SETD5: variants seen among roughly 807,000 people sequenced by gnomAD.
The protein encoded by SETD5 is histone-lysine N-methyltransferase SETD5.
A neutral mutation model predicts 153.3 loss-of-function variants in SETD5; 44 were observed. The ratio of observed to expected loss-of-function variants is 0.29; its 90% CI spans 0.23 to 0.37. The LOEUF is 0.37. Among genes scored for constraint, SETD5 ranks in the 10% least tolerant of loss-of-function variants. The pLI is 1.00. For synonymous variants in SETD5, 716 were observed against 645.2 expected, an observed-to-expected ratio of 1.11 and a Z score of -1.66; for missense variants, 1,544 against 1,768.0, an observed-to-expected ratio of 0.87 and a Z score of 2.27.
chr3:9,455,831 C>G (rs1242078779), intron 17 of SETD5, among the ~76,000 whole-genome samples: 1 of 151,904 alleles, frequency 6.6e-6, no homozygotes, highest in African/African-American at 2.4e-5. Context: ...TATCACATGC[C>G]CTGGTTGGAA....
chr3:9,428,049 A>G (rs1158110927), intron 2 of SETD5, among the ~76,000 whole-genome samples: 2 of 152,104 alleles, frequency 1.3e-5, no homozygotes, highest in Non-Finnish European at 2.9e-5. Flanking sequence ...TGTTGTTTTT[A>G]AAAAGTAGTC....
At position 9,428,888 on chromosome 3, in the gene SETD5, G is replaced by A. The variant is rs2039631571; in HGVS notation, c.-51G>A. The A allele has an allele frequency of 7.0e-7, 1 of 1,420,332 alleles. No homozygotes were observed. The highest frequency in any genetic ancestry group is 9.9e-7 in the Non-Finnish European group (1 of 1,013,128). 88.0% of individuals were successfully genotyped at this position (1,420,332 alleles called of 1,614,324 possible). A position where few individuals can be genotyped will look rare whatever the true frequency, so the allele number is the denominator to read the frequency against. The stretch of plus-strand genomic sequence containing the variant: ...CTCACCCCCACTCTCAGAGTGGTCA[G>A]TCTCCATTAATTGGACCCCGTGATT... On this transcript the variant is annotated 5_prime_UTR_variant, in exon 3 of 23. Transcript: ENST00000402198.
intron 19 of SETD5, among the ~76,000 whole-genome samples, chr3:9,473,026 C>G (rs2045491988): frequency 6.6e-6 from 1 of 152,112 alleles, no homozygotes; most frequent in African/African-American, 2.4e-5. Flanking sequence ...TTCCTCTTAC[C>G]AATTTCCAGC....
chr3:9,457,782 A>G (rs2043442123), intron 17 of SETD5, among the ~76,000 whole-genome samples: 1 of 149,600 alleles, frequency 6.7e-6, no homozygotes, highest in Non-Finnish European at 1.5e-5. Flanking sequence ...GCCTTTGATA[A>G]ATTTCATGTT....
intron 17 of SETD5, 76 bp from the exon 18 acceptor site, chr3:9,464,349 C>T: frequency 1.3e-6 from 2 of 1,537,176 alleles, no homozygotes; most frequent in Non-Finnish European, 8.8e-7. Flanking sequence ...TTGTAGATTA[C>T]AGATTAATGG....
intron 3 of SETD5, chr3:9,430,211 G>T (rs1159456282): frequency 1.0e-6 from 1 of 984,666 alleles, no homozygotes; most frequent in Non-Finnish European, 1.2e-6. Context: ...TATTATTAAA[G>T]AGCATGTATA....
At chr3:9,436,402 CG>C (rs1478500300) in intron 7 of SETD5, among the ~76,000 whole-genome samples, 2 of 152,200 alleles carry the variant, frequency 1.3e-5, no homozygotes, top group Non-Finnish European at 2.9e-5. Flanking sequence ...AAAATGTCTA[CG>C]GGAGAAACTT....
intron 1 of SETD5, among the ~76,000 whole-genome samples, chr3:9,418,569 G>A (rs2037894401): frequency 6.6e-6 from 1 of 152,006 alleles, no homozygotes; most frequent in Non-Finnish European, 1.5e-5. Flanking sequence ...CACATAGGCT[G>A]AAGCAGGCAG....
chr3:9,472,835 T>C (rs1039237474), intron 19 of SETD5, among the ~76,000 whole-genome samples: 2 of 152,146 alleles, frequency 1.3e-5, no homozygotes, highest in Non-Finnish European at 2.9e-5. Flanking sequence ...TGGGAGGCTT[T>C]TTAAACTATA....
At chr3:9,462,369 C>T (rs1247103389) in intron 17 of SETD5, among the ~76,000 whole-genome samples, 3 of 151,366 alleles carry the variant, frequency 2.0e-5, no homozygotes, top group Non-Finnish European at 2.9e-5. Context: ...GGGTGGATCA[C>T]GAGGTCAAGA....
intron 18 of SETD5, 100 bp from the exon 19 acceptor site, chr3:9,470,359 A>G: frequency 1.2e-6 from 1 of 866,308 alleles, no homozygotes; most frequent in Admixed American, 2.2e-5. Context: ...CGTCCCTCTT[A>G]TCTTTCCCTG....
rs779227220 is a variant in SETD5 at position 9,475,982 on chromosome 3, C to T, written c.4220C>T (p.Ala1407Val). 46 of 1,613,882 alleles carry T rather than the reference C, an allele frequency of 2.9e-5. No individual in the cohort carries two copies. The highest frequency in any genetic ancestry group is 3.6e-5 in the Non-Finnish European group (43 of 1,179,908). Residue 1407 changes from alanine to valine, a missense_variant, in exon 23 of 23, where the codon GCG (alanine) becomes GTG (valine). Ala to Val is a moderately conservative substitution (Grantham distance 64). Coordinates refer to ENST00000402198, the MANE Select transcript of SETD5 (RefSeq NM_001080517.3). Reference sequence around the variant, plus strand: ...GTCTACCAGGCCTCCAGGGTATCTGCGGTTTCCAATTCACAGCACTACCCA... The same window carrying T: ...GTCTACCAGGCCTCCAGGGTATCTGTGGTTTCCAATTCACAGCACTACCCA... Reference protein sequence around the residue: ...SAVYQASRVSAVSNSQHYPHR... With the variant: ...SAVYQASRVSVVSNSQHYPHR...
chr3:9,470,752 G>T lies in SETD5; in HGVS notation c.3018G>T (p.Val1006=). 1 of 1,613,974 alleles carries T rather than the reference G, an allele frequency of 6.2e-7. No homozygotes were observed. Among genetic ancestry groups the T allele is most frequent in the Non-Finnish European group, 8.5e-7 (1 of 1,179,884 alleles). ...GACTGTATCGAGGATCTCCTCTAGTGGGGGATAGGAAGCCTTTACATTTGG... is the reference window on the plus strand; with the variant it reads ...GACTGTATCGAGGATCTCCTCTAGTTGGGGATAGGAAGCCTTTACATTTGG... The part of the protein sequence containing the change: ...ADGLYRGSPL[V]GDRKPLHLDG... Residue 1006 remains valine (V), a synonymous_variant, in exon 19 of 23, where the codon GTG becomes GTT. Coordinates refer to ENST00000402198, the MANE Select transcript of SETD5 (RefSeq NM_001080517.3).
intron 3 of SETD5, 41 bp downstream of exon 3, chr3:9,429,050 G>A (rs1483190351): frequency 3.5e-6 from 5 of 1,445,020 alleles, no homozygotes; most frequent in Non-Finnish European, 4.8e-6. Flanking sequence ...TTATCAGTCT[G>A]TGTGGAGACA....
In SETD5 at chr3:9,436,938, C is replaced by CA. The variant is rs1461177499; in HGVS notation, c.567+1033dup. On this transcript the variant is annotated intron_variant, in intron 7 of 22. Coordinates refer to ENST00000402198, the MANE Select transcript of SETD5 (RefSeq NM_001080517.3). The stretch of plus-strand genomic sequence containing the variant: ...TGTGTTTTACTTCACTGTGATCTTG[C>CA]ATTTTGGTCAGCTTCTTTCCTGACA... The CA allele has an allele frequency of 2.0e-6, 3 of 1,509,720 alleles. No homozygotes were observed. The African/African-American group carries it at 4.2e-5, about 21-fold the overall frequency. The allele number at this position is 1,509,720 out of a possible 1,614,324, so 93.5% of individuals were successfully genotyped here. A position where few individuals can be genotyped will look rare whatever the true frequency, so the allele number is the denominator to read the frequency against.
chr3:9,428,822 G>T lies in SETD5; in HGVS notation c.-116-1G>T. 1.9e-6 allele frequency: 1 copy of T among 519,464 alleles called. No individual in the cohort carries two copies. The highest frequency in any genetic ancestry group is 3.4e-6 in the Non-Finnish European group (1 of 290,498). The allele number at this position is 519,464 out of a possible 1,614,324, so 32.2% of individuals were successfully genotyped here. On this transcript the variant is annotated splice_acceptor_variant, in intron 2 of 22. Transcript: ENST00000402198. LOFTEE classifies it low-confidence loss of function (5UTR_SPLICE). ...CTAGATATTTTCCTTTTCTGTTACA[G>T]GATTCCTCATGTCCATAACATGTTG...
In SETD5 at chr3:9,475,905, A is replaced by G. The variant is rs1159031617; in HGVS notation, c.4143A>G (p.Ser1381=). The G allele has an allele frequency of 6.2e-7, 1 of 1,613,888 alleles. No homozygotes were observed. The highest frequency in any genetic ancestry group is 8.5e-7 in the Non-Finnish European group (1 of 1,179,890). Residue 1381 remains serine (S), a synonymous_variant, in exon 23 of 23, where the codon TCA becomes TCG. Coordinates refer to ENST00000402198, the MANE Select transcript of SETD5 (RefSeq NM_001080517.3). Reference sequence around the variant, plus strand: ...CCTTTCCTCAGAACTCTAGGTCGTCATTGCCATCAGACTTACGGACTATCA... The same window carrying G: ...CCTTTCCTCAGAACTCTAGGTCGTCGTTGCCATCAGACTTACGGACTATCA... ...STSFPQNSRS[S]LPSDLRTISL...
intron 8 of SETD5, among the ~76,000 whole-genome samples, chr3:9,441,051 A>G (rs2041216360): frequency 6.6e-6 from 1 of 152,084 alleles, no homozygotes; most frequent in African/African-American, 2.4e-5. Flanking sequence ...CTCTTTACAA[A>G]AAAAAAAAAT....
At chr3:9,400,749 CAGA>C (rs1462721582) in intron 1 of SETD5, among the ~76,000 whole-genome samples, 1 of 152,046 alleles carries the variant, frequency 6.6e-6, no homozygotes, top group African/African-American at 2.4e-5. Context: ...TAGGACAGAC[CAGA>C]AGAAATATGC....
Sources: gnomAD v4.1 joint callset for allele counts (sites outside exome capture counted in the v4.1 genomes callset) on GRCh38, gnomAD v4.1.1 for gene constraint, MANE v1.5 for transcripts, NCBI Gene and HGNC (gene_info 2026-07-23, HGNC 2026-07-21) for gene names.